The following C11orf16 variants were observed in gnomAD, a reference collection of about 807,000 sequenced individuals.
The protein encoded by C11orf16 is chromosome 11 open reading frame 16.
Under a neutral mutation model 45.1 loss-of-function variants are expected in C11orf16, and 38 were observed. The ratio of observed to expected loss-of-function variants is 0.84; its 90% CI spans 0.65 to 1.10. The LOEUF (loss-of-function observed/expected upper bound fraction) is 1.10, where lower values mean the gene tolerates loss of function less well. Among genes scored for constraint, C11orf16 ranks in the 50% least tolerant of loss-of-function variants. C11orf16 has a pLI of 0.00. For missense variants in C11orf16, 583 were observed against 569.5 expected (o/e 1.02, Z -0.24); for synonymous variants, 221 against 222.0 (o/e 1.00, Z 0.04).
intron 5 of C11orf16, among the ~76,000 whole-genome samples, chr11:8,922,737 C>T (rs1459257619): frequency 2.0e-5 from 3 of 152,236 alleles, no homozygotes; most frequent in African/African-American, 7.2e-5. Flanking sequence ...GATTAAACAT[C>T]AAGCATGTTT....
Position 8,925,519 on chromosome 11 carries a change from T to A in C11orf16, c.1148A>T (p.Gln383Leu). The part of the protein sequence containing the change: ...EMPLRQSGLC[Q>L]PEWRYWKRNG... Reference sequence around the variant, plus strand: ...TCTCTTCCAATACCTCCACTCAGGCTGGCAGAGGCCACTCTGTCTCAGAGG... The same window carrying A: ...TCTCTTCCAATACCTCCACTCAGGCAGGCAGAGGCCACTCTGTCTCAGAGG... The change falls in exon 5 of 7, where the codon CAG (glutamine) becomes CTG (leucine). Residue 383 changes from glutamine to leucine, a missense_variant. Transcript: ENST00000326053. 1 of 1,614,242 alleles carries A rather than the reference T, an allele frequency of 6.2e-7. No individual in the cohort carries two copies. Among genetic ancestry groups the A allele is most frequent in the South Asian group, 1.1e-5 (1 of 91,086 alleles).
In C11orf16 at chr11:8,932,399, C is replaced by T. The variant is rs116674571; in HGVS notation, c.-18-73G>A. ...GTGGCCACCGGGGCGAGGCAGGGCT[C>T]AGCTCTGCAGTTAGCTGCCTCTGGG... On this transcript the variant is annotated intron_variant, in intron 1 of 6. Coordinates refer to ENST00000326053, the MANE Select transcript of C11orf16 (RefSeq NM_020643.3). 2.4e-3 allele frequency: 3,085 copies of T among 1,270,228 alleles called. 78 individuals carry two copies. In the African/African-American group the frequency reaches 0.042, roughly 17 times the overall value. The allele number at this position is 1,270,228 out of a possible 1,614,324, so 78.7% of individuals were successfully genotyped here.
intron 5 of C11orf16, 40 bp from the exon 6 acceptor site, chr11:8,921,555 C>A: frequency 6.4e-7 from 1 of 1,550,962 alleles, no homozygotes; most frequent in South Asian, 1.1e-5. Flanking sequence ...AATATGCCAC[C>A]ATTTTGATGG....
In C11orf16 at chr11:8,927,608, C is replaced by T. The variant is rs1286598869; in HGVS notation, c.325-434G>A. 2.4e-5 allele frequency: 11 copies of T among 457,256 alleles called. 1 individual carries two copies. The East Asian group carries it at 7.6e-4, about 32-fold the overall frequency. The allele number at this position is 457,256 out of a possible 1,614,324, so 28.3% of individuals were successfully genotyped here. A position where few individuals can be genotyped will look rare whatever the true frequency, so the allele number is the denominator to read the frequency against. The stretch of plus-strand genomic sequence containing the variant: ...CAACCAGGGATGTGTCCAAGACCAA[C>T]AGGATGGTTGTTCACCTATGAGGCT... On this transcript the variant is annotated intron_variant, in intron 3 of 6. Transcript: ENST00000326053.
In C11orf16 at chr11:8,921,303, C is replaced by T; in HGVS notation, c.*13G>A. The T allele has an allele frequency of 1.9e-6, 3 of 1,614,040 alleles. No homozygotes were observed. Among genetic ancestry groups the T allele is most frequent in the Non-Finnish European group, 2.5e-6 (3 of 1,179,912 alleles). On this transcript the variant is annotated 3_prime_UTR_variant, in exon 6 of 7. Coordinates refer to ENST00000326053, the MANE Select transcript of C11orf16 (RefSeq NM_020643.3). ...AGCCATTCTGCTTTACCTAGATCCT[C>T]AGGGCTCTTAGTCTAACGGGAATTC...
At chr11:8,928,247 T>C (rs1344986551) in intron 3 of C11orf16, among the ~76,000 whole-genome samples, 1 of 152,092 alleles carries the variant, frequency 6.6e-6, no homozygotes. Context: ...AATTCATATT[T>C]TTAAAGAATT....
intron 4 of C11orf16, 97 bp from the exon 5 acceptor site, chr11:8,926,204 T>TC: frequency 9.9e-7 from 1 of 1,011,990 alleles, no homozygotes; most frequent in Non-Finnish European, 1.4e-6. Context: ...TTTTTTTTTT[T>TC]GAGACAGGGT....
intron 3 of C11orf16, among the ~76,000 whole-genome samples, chr11:8,928,443 C>A (rs563698395): frequency 6.6e-6 from 1 of 152,258 alleles, no homozygotes; most frequent in South Asian, 2.1e-4. Context: ...TTCCACCTTT[C>A]CCTTAGGCTA....
At chr11:8,930,055 G>A (rs966124803) in intron 2 of C11orf16, among the ~76,000 whole-genome samples, 3 of 152,034 alleles carry the variant, frequency 2.0e-5, no homozygotes, top group African/African-American at 7.2e-5. Context: ...GGGAGGTAGA[G>A]GTTGCAGTGG....
intron 4 of C11orf16, 141 bp from the exon 5 acceptor site, chr11:8,926,248 A>G (rs2064612582): frequency 2.5e-6 from 2 of 786,356 alleles, no homozygotes; most frequent in Non-Finnish European, 3.7e-6. Flanking sequence ...GCACAGTGAT[A>G]GCTCACTGCA....
chr11:8,932,506 C>T (rs1392086688), intron 1 of C11orf16, among the ~76,000 whole-genome samples, 180 bp from the exon 2 acceptor site: 1 of 152,182 alleles, frequency 6.6e-6, no homozygotes, highest in Non-Finnish European at 1.5e-5. Context: ...TTGGGAACCT[C>T]CACTCAGGAA....
At chr11:8,920,764 G>A (rs1044811718) in intron 6 of C11orf16, among the ~76,000 whole-genome samples, 1 of 152,162 alleles carries the variant, frequency 6.6e-6, no homozygotes, top group African/African-American at 2.4e-5. Context: ...GGAGTTCAAG[G>A]CTGTAGTGAG....
At chr11:8,927,730 G>A in intron 3 of C11orf16, 1 of 452,966 alleles carries the variant, frequency 2.2e-6, no homozygotes, top group Non-Finnish European at 4.5e-6. Flanking sequence ...AATAGCAAAA[G>A]TGAGAGAACA....
intron 1 of C11orf16, among the ~76,000 whole-genome samples, 199 bp from the exon 2 acceptor site, chr11:8,932,525 G>C (rs1250308621): frequency 1.3e-5 from 2 of 152,198 alleles, no homozygotes; most frequent in East Asian, 3.9e-4. Context: ...AAACAGGGAA[G>C]GGATTGGAAG....
At chr11:8,927,483 C>T (rs889297573) in intron 3 of C11orf16, 2 of 433,462 alleles carry the variant, frequency 4.6e-6, no homozygotes, top group African/African-American at 2.0e-5. Flanking sequence ...AATTTTTGAC[C>T]TGCAATTGCC....
intron 1 of C11orf16, 25 bp from the exon 2 acceptor site, chr11:8,932,351 T>C: frequency 1.3e-6 from 2 of 1,524,396 alleles, no homozygotes; most frequent in Non-Finnish European, 1.8e-6. Flanking sequence ...CACCATTACC[T>C]GAGCTGCAGC....
Position 8,927,040 on chromosome 11 carries a change from C to T in C11orf16, c.459G>A (p.Leu153=). 1.2e-6 allele frequency: 2 copies of T among 1,614,146 alleles called. No homozygotes were observed. Among genetic ancestry groups the T allele is most frequent in the Non-Finnish European group, 1.7e-6 (2 of 1,180,028 alleles). The change falls in exon 4 of 7, where the codon CTG becomes CTA. Residue 153 remains leucine (L), a synonymous_variant. Transcript: ENST00000326053. The stretch of plus-strand genomic sequence containing the variant: ...GTGCCAGCACCTTATCCCCTGGTCT[C>T]AGTGAGTATCCTACAGATGGTGAGA... ...IPLSPSVGYS[L]RPGDKVLALW...
At chr11:8,924,268 G>A (rs2064593700) in intron 5 of C11orf16, among the ~76,000 whole-genome samples, 1 of 152,132 alleles carries the variant, frequency 6.6e-6, no homozygotes. Context: ...GTTCACGCCT[G>A]TAATCCCAGC....
intron 4 of C11orf16, 115 bp from the exon 5 acceptor site, chr11:8,926,222 A>G: frequency 9.8e-7 from 1 of 1,017,098 alleles, no homozygotes; most frequent in African/African-American, 2.0e-5. Context: ...GGTCTGGCTC[A>G]GGCTGGAGTG....
Sources: gnomAD v4.1 joint callset for allele counts (sites outside exome capture counted in the v4.1 genomes callset) on GRCh38, gnomAD v4.1.1 for gene constraint, MANE v1.5 for transcripts, NCBI Gene and HGNC (gene_info 2026-07-23, HGNC 2026-07-21) for gene names.